PMF1: variants seen among roughly 807,000 people sequenced by gnomAD.
PMF1 encodes polyamine-modulated factor 1.
PMF1 carries 21 observed loss-of-function variants against 26.7 expected under a neutral mutation model. The ratio of observed to expected loss-of-function variants is 0.79; its 90% confidence interval spans 0.56 to 1.13. The LOEUF (loss-of-function observed/expected upper bound fraction) is 1.13, where lower values mean the gene tolerates loss of function less well. Among genes scored for constraint, PMF1 ranks in the 50% most tolerant of loss-of-function variants. The pLI is 0.00. For synonymous variants in PMF1, 105 were observed against 101.0 expected, an observed-to-expected ratio of 1.04 and a Z score of -0.24; for missense variants, 266 against 254.9, an observed-to-expected ratio of 1.04 and a Z score of -0.30.
intron 3 of PMF1, among the ~76,000 whole-genome samples, chr1:156,234,671 G>C (rs1658905072): frequency 6.6e-6 from 1 of 151,896 alleles, no homozygotes; most frequent in African/African-American, 2.4e-5. Context: ...ACCATGCCTG[G>C]CTAATTTTTG....
At chr1:156,215,711 CAG>C (rs1321856706) in intron 1 of PMF1, among the ~76,000 whole-genome samples, 1 of 152,008 alleles carries the variant, frequency 6.6e-6, no homozygotes. Context: ...ATTTATGAGA[CAG>C]GGTCTTGCTC....
At chr1:156,227,592 G>T (rs1461157452) in intron 1 of PMF1, among the ~76,000 whole-genome samples, 1 of 150,634 alleles carries the variant, frequency 6.6e-6, no homozygotes, top group East Asian at 2.0e-4. Flanking sequence ...CGCCTCCCGG[G>T]TTCAAGCGAT....
chr1:156,224,134 A>G (rs955488293), intron 1 of PMF1, among the ~76,000 whole-genome samples: 1 of 152,222 alleles, frequency 6.6e-6, no homozygotes, highest in Non-Finnish European at 1.5e-5. Flanking sequence ...AAGAGACCAA[A>G]TAACCTAAAG....
intron 2 of PMF1, 148 bp downstream of exon 2, chr1:156,232,573 T>A (rs1658778054): frequency 1.5e-6 from 1 of 649,748 alleles, no homozygotes; most frequent in Non-Finnish European, 2.7e-6. Flanking sequence ...GCAGCATCCA[T>A]CGTCACTCCC....
At chr1:156,231,999 C>T (rs1281268543) in intron 1 of PMF1, among the ~76,000 whole-genome samples, 1 of 152,172 alleles carries the variant, frequency 6.6e-6, no homozygotes, top group African/African-American at 2.4e-5. Context: ...AAGTGTGGTT[C>T]CCCAGACCAG....
In PMF1 at chr1:156,232,416, A is replaced by T. The variant is rs746254344; in HGVS notation, c.258A>T (p.Thr86=). ...ACAAGTTTATAGCTCAGTTGCAGAC[A>T]TCTATCCGGGTGAGTGGCGGGAAGC... The part of the protein sequence containing the change: ...IYDKFIAQLQ[T]SIREEISDIK... Residue 86 remains threonine, a synonymous_variant, in exon 2 of 5, where the codon ACA becomes ACT. Transcript: ENST00000368277. 2 of 1,613,932 alleles carry T rather than the reference A, an allele frequency of 1.2e-6. No individual in the cohort carries two copies. Among genetic ancestry groups the T allele is most frequent in the South Asian group, 1.1e-5 (1 of 91,078 alleles).
intron 3 of PMF1, among the ~76,000 whole-genome samples, chr1:156,235,945 G>A (rs532449010): frequency 6.6e-6 from 1 of 152,314 alleles, no homozygotes; most frequent in South Asian, 2.1e-4. Context: ...ATGGTCACAA[G>A]GACAGAGGCA....
Position 156,236,273 on chromosome 1 carries a change from C to T in PMF1, c.369-15C>T, listed in dbSNP as rs372724163. On this transcript the variant is annotated splice_polypyrimidine_tract_variant and intron_variant, in intron 3 of 4. Coordinates refer to ENST00000368277, the MANE Select transcript of PMF1 (RefSeq NM_007221.4). ...TCCGCCTCCTTCATTCCTTGTGCCC[C>T]GTGTGGCCCTCCAGGCGCCCCAGCG... The T allele has an allele frequency of 1.1e-4, 173 of 1,599,260 alleles. No homozygotes were observed. Among genetic ancestry groups the T allele is most frequent in the South Asian group, 4.2e-4 (38 of 90,630 alleles).
chr1:156,215,642 T>A (rs999231983), intron 1 of PMF1, among the ~76,000 whole-genome samples: 3 of 152,062 alleles, frequency 2.0e-5, no homozygotes, highest in African/African-American at 7.2e-5. Context: ...TCCTCCCACC[T>A]CAGCCTCCCA....
chr1:156,225,942 C>T (rs1658350998), intron 1 of PMF1, among the ~76,000 whole-genome samples: 2 of 152,170 alleles, frequency 1.3e-5, no homozygotes, highest in African/African-American at 4.8e-5. Context: ...ACAGCCTCCA[C>T]CTCCCAGGTT....
rs775437048 is a variant in PMF1, at chr1:156,239,608, C to T, written c.*7C>T. ...GCTGAGGGAGCCTGAGTGAGGAGACCGCCAGCCCCAGAAGCAGAGGGCAGT... is the reference window on the plus strand; with the variant it reads ...GCTGAGGGAGCCTGAGTGAGGAGACTGCCAGCCCCAGAAGCAGAGGGCAGT... On this transcript the variant is annotated 3_prime_UTR_variant, in exon 5 of 5. Transcript: ENST00000368277. 161 of 1,610,922 alleles carry T rather than the reference C, an allele frequency of 1.0e-4. No individual in the cohort carries two copies. Among genetic ancestry groups the T allele is most frequent in the Admixed American group, 3.7e-4 (22 of 59,946 alleles).
At chr1:156,213,392 T>C (rs1657497232) in intron 1 of PMF1, among the ~76,000 whole-genome samples, 1 of 152,214 alleles carries the variant, frequency 6.6e-6, no homozygotes, top group Non-Finnish European at 1.5e-5. Context: ...TACTCCTTCC[T>C]ACAGGAAGCC....
intron 1 of PMF1, among the ~76,000 whole-genome samples, chr1:156,230,470 C>T (rs746750852): frequency 2.6e-5 from 4 of 152,262 alleles, no homozygotes; most frequent in Admixed American, 1.3e-4. Flanking sequence ...CTGGGAGGGC[C>T]GTGTCAGTCT....
At chr1:156,216,681 C>A (rs938856602) in intron 1 of PMF1, among the ~76,000 whole-genome samples, 12 of 151,744 alleles carry the variant, frequency 7.9e-5, no homozygotes, top group Non-Finnish European at 1.8e-4. Context: ...ACCCTGCCCC[C>A]GTGCGCTCTC....
chr1:156,216,593 G>A (rs965221055), intron 1 of PMF1, among the ~76,000 whole-genome samples: 2 of 151,798 alleles, frequency 1.3e-5, no homozygotes, highest in African/African-American at 4.8e-5. Context: ...TCGCGCGTCC[G>A]AGCGTCCCGA....
intron 2 of PMF1, 59 bp downstream of exon 2, chr1:156,232,484 G>T: frequency 1.3e-6 from 2 of 1,544,668 alleles, no homozygotes; most frequent in South Asian, 1.1e-5. Context: ...CAGATTGTCA[G>T]TCCCCTGAGG....
At chr1:156,220,121 G>A (rs951169075) in intron 1 of PMF1, among the ~76,000 whole-genome samples, 7 of 151,806 alleles carry the variant, frequency 4.6e-5, no homozygotes, top group Non-Finnish European at 8.8e-5. Flanking sequence ...CCGCCACCAC[G>A]CCCGGCTAAT....
chr1:156,217,501 G>C (rs1237882843), intron 1 of PMF1, among the ~76,000 whole-genome samples: 1 of 152,068 alleles, frequency 6.6e-6, no homozygotes, highest in Non-Finnish European at 1.5e-5. Flanking sequence ...CGAGGTGGGT[G>C]GATCACTTGA....
chr1:156,224,419 C>T (rs1386437240), intron 1 of PMF1, among the ~76,000 whole-genome samples: 4 of 152,194 alleles, frequency 2.6e-5, no homozygotes, highest in Non-Finnish European at 4.4e-5. Context: ...TAAAGGATAA[C>T]CTTTTAATAC....
Sources: gnomAD v4.1 joint callset for allele counts (sites outside exome capture counted in the v4.1 genomes callset) on GRCh38, gnomAD v4.1.1 for gene constraint, MANE v1.5 for transcripts, NCBI Gene and HGNC (gene_info 2026-07-23, HGNC 2026-07-21) for gene names.